The following ISM1 variants were observed in gnomAD, a reference collection of about 807,000 sequenced individuals.
ISM1 encodes isthmin-1.
ISM1 carries 25 observed loss-of-function variants against 46.3 expected under a neutral mutation model. The observed-to-expected ratio is 0.54, with a 90% confidence interval of 0.39 to 0.75. ISM1 has a LOEUF of 0.75. ISM1 is among the 30% of genes least tolerant of loss of function. ISM1 has a pLI of 0.00. For synonymous variants in ISM1, 255 were observed against 256.7 expected (o/e 0.99, Z 0.06); for missense variants, 536 against 625.4 (o/e 0.86, Z 1.52).
At chr20:13,270,044 A>G (rs2040094172) in intron 1 of ISM1, among the ~76,000 whole-genome samples, 1 of 152,158 alleles carries the variant, frequency 6.6e-6, no homozygotes, top group South Asian at 2.1e-4. Context: ...GTAATGAATA[A>G]TATGGCCCAA....
At chr20:13,287,514 G>A (rs1173463046) in intron 3 of ISM1, among the ~76,000 whole-genome samples, 1 of 152,082 alleles carries the variant, frequency 6.6e-6, no homozygotes, top group Admixed American at 6.5e-5. Flanking sequence ...TCACCTCCAA[G>A]CCCCCCTATT....
chr20:13,252,160 C>A (rs557457420), intron 1 of ISM1, among the ~76,000 whole-genome samples: 20 of 152,254 alleles, frequency 1.3e-4, no homozygotes, highest in Non-Finnish European at 2.6e-4. Flanking sequence ...ATCCCTCAGG[C>A]CTCTTTTCTG....
intron 3 of ISM1, among the ~76,000 whole-genome samples, chr20:13,285,695 G>A (rs372189962): frequency 1.7e-3 from 252 of 152,334 alleles, no homozygotes; most frequent in South Asian, 2.9e-3. Context: ...AGCCAAGGGC[G>A]TGGATTTGGA....
intron 3 of ISM1, among the ~76,000 whole-genome samples, chr20:13,280,691 G>T (rs1298568807): frequency 1.3e-5 from 2 of 152,126 alleles, no homozygotes; most frequent in African/African-American, 2.4e-5. Flanking sequence ...CACTCGTAAG[G>T]CCCTCAGCCT....
chr20:13,305,298 A>T (rs957828366), downstream of ISM1, among the ~76,000 whole-genome samples: 1 of 151,962 alleles, frequency 6.6e-6, no homozygotes, highest in Admixed American at 6.6e-5. Flanking sequence ...GTACTTTTCC[A>T]TAATTTTAGA....
chr20:13,310,569 C>T, the ISM1 span, among the ~76,000 whole-genome samples: 138 of 152,246 alleles, frequency 9.1e-4, 1 homozygote, highest in South Asian at 0.013. Context: ...AATAGGCAAA[C>T]GGGTTTGCAT....
chr20:13,322,008 G>C, the ISM1 span, among the ~76,000 whole-genome samples: 3 of 152,178 alleles, frequency 2.0e-5, no homozygotes, highest in African/African-American at 7.2e-5. Context: ...GAATTAATGA[G>C]TCAACATTTA....
chr20:13,315,109 A>G, the ISM1 span, among the ~76,000 whole-genome samples: 68 of 149,794 alleles, frequency 4.5e-4, no homozygotes, highest in African/African-American at 1.6e-3. Flanking sequence ...GAAAGGCAGA[A>G]AAAGAATGGA....
chr20:13,270,063 T>C (rs1287097015), intron 1 of ISM1, among the ~76,000 whole-genome samples: 4 of 152,184 alleles, frequency 2.6e-5, no homozygotes, highest in African/African-American at 9.6e-5. Context: ...AAGAACTATA[T>C]CCAGCTTGGT....
chr20:13,289,046 A>G (rs1227925212), intron 4 of ISM1, among the ~76,000 whole-genome samples: 1 of 152,144 alleles, frequency 6.6e-6, no homozygotes, highest in African/African-American at 2.4e-5. Flanking sequence ...TCAGCCTCCC[A>G]AGGTGCTGGG....
At chr20:13,293,871 G>A (rs1275606669) in intron 5 of ISM1, among the ~76,000 whole-genome samples, 2 of 152,106 alleles carry the variant, frequency 1.3e-5, no homozygotes, top group African/African-American at 4.8e-5. Flanking sequence ...CTACTCTGGA[G>A]GCTGAGGCAG....
chr20:13,292,350 A>G (rs1305574353), intron 4 of ISM1, 24 bp from the exon 5 acceptor site: 2 of 1,498,072 alleles, frequency 1.3e-6, no homozygotes, highest in East Asian at 4.6e-5. Flanking sequence ...AATGATGGAA[A>G]AATGAGCTCT....
downstream of ISM1, chr20:13,300,770 G>T (rs2123343279): frequency 6.6e-6 from 1 of 152,314 alleles, no homozygotes; most frequent in South Asian, 2.1e-4. Context: ...TTCATTGATT[G>T]ACATGATTGT....
chr20:13,319,267 A>G, the ISM1 span, among the ~76,000 whole-genome samples: 1 of 152,130 alleles, frequency 6.6e-6, no homozygotes, highest in African/African-American at 2.4e-5. Flanking sequence ...AGGCAAGGCC[A>G]ACTAGACTAT....
intron 1 of ISM1, among the ~76,000 whole-genome samples, chr20:13,225,382 A>G (rs2039511469): frequency 6.6e-6 from 1 of 152,188 alleles, no homozygotes; most frequent in South Asian, 2.1e-4. Flanking sequence ...AACAATTTAC[A>G]TTTTCAAATG....
At chr20:13,307,433 T>C in the ISM1 span, among the ~76,000 whole-genome samples, 3,477 of 152,200 alleles carry the variant, frequency 0.023, 47 homozygotes, top group Non-Finnish European at 0.031. Context: ...ATGAAGGAGC[T>C]CTCTGGGGCT....
At chr20:13,269,092 GGGGGGCAAAGA>G (rs1568679198) in intron 1 of ISM1, among the ~76,000 whole-genome samples, 1 of 152,114 alleles carries the variant, frequency 6.6e-6, no homozygotes, top group Admixed American at 6.6e-5. Context: ...GCACTGTGGT[GGGGGGCAAAGA>G]GGGCGTGTGG....
At chr20:13,304,916 A>C (rs1438477129), downstream of ISM1, among the ~76,000 whole-genome samples, 1 of 152,148 alleles carries the variant, frequency 6.6e-6, no homozygotes, top group East Asian at 1.9e-4. Context: ...ATCTTCTACC[A>C]AATAAGCAGC....
chr20:13,239,051 G>A (rs1036630096), intron 1 of ISM1: 5 of 152,276 alleles, frequency 3.3e-5, no homozygotes, highest in African/African-American at 7.2e-5. Context: ...ATGCAATTCC[G>A]AAGACATCAT....
Sources: allele counts gnomAD v4.1 joint callset (sites outside exome capture counted in the v4.1 genomes callset), GRCh38; gene constraint gnomAD v4.1.1; transcripts MANE v1.5; gene names NCBI Gene and HGNC (gene_info 2026-07-23, HGNC 2026-07-21).